The following QTGAL variants were observed in gnomAD, a reference collection of about 807,000 sequenced individuals.
The protein encoded by QTGAL is BGnT-like protein 1.
chr17:83,019,270 G>C, the QTGAL span, among the ~76,000 whole-genome samples: 1 of 152,156 alleles, frequency 6.6e-6, no homozygotes, highest in Non-Finnish European at 1.5e-5. Flanking sequence ...TTACTCCACA[G>C]AGAACGGTTC....
chr17:83,015,891 T>C, the QTGAL span, among the ~76,000 whole-genome samples: 2 of 152,308 alleles, frequency 1.3e-5, no homozygotes, highest in African/African-American at 4.8e-5. The surrounding 1 kb of genome is among the most constrained non-coding windows in gnomAD (Gnocchi z 4.4). Context: ...TGTGAAAACA[T>C]TGTCTTCCAC....
chr17:82,970,750 C>T, the QTGAL span, among the ~76,000 whole-genome samples: 2 of 152,290 alleles, frequency 1.3e-5, no homozygotes, highest in East Asian at 1.9e-4. Flanking sequence ...TGTGGCAGGT[C>T]CTCCGTGGGC....
At chr17:82,974,713 C>T in the QTGAL span, among the ~76,000 whole-genome samples, 1 of 152,194 alleles carries the variant, frequency 6.6e-6, no homozygotes, top group African/African-American at 2.4e-5. Flanking sequence ...GTGTGGGGGG[C>T]CACATTCCCT....
chr17:83,050,939 G>C, the QTGAL span, among the ~76,000 whole-genome samples: 2 of 152,032 alleles, frequency 1.3e-5, no homozygotes, highest in South Asian at 4.2e-4. Flanking sequence ...CACAAGACGT[G>C]TGTGTGGGGC....
At chr17:82,942,498 G>C in the QTGAL span, 4 of 1,613,914 alleles carry the variant, frequency 2.5e-6, no homozygotes, top group East Asian at 8.9e-5. Flanking sequence ...ACCCCTGCCT[G>C]GTGAGGATGT....
the QTGAL span, among the ~76,000 whole-genome samples, chr17:83,047,811 C>T: frequency 2.7e-5 from 4 of 149,846 alleles, no homozygotes; most frequent in South Asian, 6.4e-4. Context: ...GAATAAGAAA[C>T]TTAGGTCTAT....
the QTGAL span, among the ~76,000 whole-genome samples, chr17:83,024,313 A>C: frequency 6.8e-6 from 1 of 146,642 alleles, no homozygotes; most frequent in Admixed American, 6.7e-5. Context: ...CCTGCTTCTG[A>C]ATTCAGCATC....
the QTGAL span, chr17:82,981,636 G>A: frequency 1.3e-5 from 2 of 152,226 alleles, no homozygotes; most frequent in East Asian, 3.8e-4. Context: ...CAAACCCACT[G>A]TAACTGCTGC....
the QTGAL span, among the ~76,000 whole-genome samples, chr17:82,990,961 T>G: frequency 1.1e-3 from 168 of 152,316 alleles, no homozygotes; most frequent in Non-Finnish European, 1.8e-3. Context: ...GATCTAAGAC[T>G]TTCCAGCTTC....
chr17:83,046,119 C>T, the QTGAL span, among the ~76,000 whole-genome samples: 57,240 of 151,072 alleles, frequency 0.38, 11,285 homozygotes, highest in East Asian at 0.59. Flanking sequence ...CCACCAAACC[C>T]GGCCCATTTA....
At chr17:82,959,424 T>C in the QTGAL span, among the ~76,000 whole-genome samples, 818 of 150,954 alleles carry the variant, frequency 5.4e-3, 5 homozygotes, top group Non-Finnish European at 7.0e-3. Context: ...CGTGCACGTA[T>C]GTGTGTGCAT....
At chr17:83,023,318 C>G in the QTGAL span, among the ~76,000 whole-genome samples, 587 of 91,122 alleles carry the variant, frequency 6.4e-3, 1 homozygote, top group South Asian at 7.6e-3. Flanking sequence ...ACTGTCCCCG[C>G]CCCACCTGCA....
the QTGAL span, among the ~76,000 whole-genome samples, chr17:82,972,701 G>GT: frequency 7.8e-6 from 1 of 128,186 alleles, no homozygotes; most frequent in Admixed American, 7.5e-5. Flanking sequence ...CCACACCACA[G>GT]GGGCCAGAAG....
chr17:83,027,837 G>A, the QTGAL span, among the ~76,000 whole-genome samples: 2 of 152,088 alleles, frequency 1.3e-5, no homozygotes, highest in African/African-American at 2.4e-5. Flanking sequence ...AAACAGGCCA[G>A]GTGTGGTGGC....
chr17:82,973,130 C>G, the QTGAL span, among the ~76,000 whole-genome samples: 1 of 152,226 alleles, frequency 6.6e-6, no homozygotes. Context: ...AGGCCTGGGG[C>G]TCACACAGGA....
the QTGAL span, among the ~76,000 whole-genome samples, chr17:83,041,457 C>T: frequency 6.6e-6 from 1 of 152,118 alleles, no homozygotes; most frequent in Non-Finnish European, 1.5e-5. Context: ...AGTAAAAATG[C>T]TGAAACCAAA....
chr17:82,993,380 A>G, the QTGAL span, among the ~76,000 whole-genome samples: 1 of 152,138 alleles, frequency 6.6e-6, no homozygotes, highest in Non-Finnish European at 1.5e-5. Context: ...TGAGACAAAG[A>G]AGGTCACCAT....
At chr17:82,965,202 G>T in the QTGAL span, among the ~76,000 whole-genome samples, 1 of 149,904 alleles carries the variant, frequency 6.7e-6, no homozygotes, top group Admixed American at 6.6e-5. Flanking sequence ...CACTCCCACG[G>T]GGGGGACGGG....
chr17:82,980,672 G>T, the QTGAL span, among the ~76,000 whole-genome samples: 23 of 152,216 alleles, frequency 1.5e-4, no homozygotes, highest in Admixed American at 6.5e-5. Flanking sequence ...GGAAAGGTAT[G>T]GGGGAAGTGG....
Sources: allele counts gnomAD v4.1 joint callset (sites outside exome capture counted in the v4.1 genomes callset), GRCh38; gene constraint gnomAD v4.1.1; non-coding constraint Gnocchi (gnomAD v3.1); transcripts MANE v1.5; gene names NCBI Gene and HGNC (gene_info 2026-07-23, HGNC 2026-07-21).